KLRF2: variants seen among roughly 807,000 people sequenced by gnomAD.
KLRF2 encodes the protein killer cell lectin-like receptor subfamily F member 2.
A neutral mutation model predicts 25.3 loss-of-function variants in KLRF2; 28 were observed. The observed-to-expected ratio is 1.11, with a 90% CI of 0.82 to 1.52. The LOEUF (loss-of-function observed/expected upper bound fraction) is 1.52. KLRF2 is among the 40% of genes most tolerant of loss of function. The pLI is 0.00. For synonymous variants in KLRF2, 73 were observed against 85.0 expected (o/e 0.86, Z 0.78); for missense variants, 265 against 245.8 (o/e 1.08, Z -0.52).
intron 3 of KLRF2, among the ~76,000 whole-genome samples, chr12:9,891,178 T>C (rs1309955459): frequency 1.3e-5 from 2 of 152,106 alleles, no homozygotes; most frequent in African/African-American, 2.4e-5. Context: ...AGAAACTAAG[T>C]GTATATAAGG....
intron 1 of KLRF2, 95 bp downstream of exon 1, chr12:9,881,760 C>T: frequency 2.3e-6 from 2 of 871,736 alleles, no homozygotes; most frequent in Admixed American, 2.3e-5. Flanking sequence ...TAACATTGAT[C>T]ATAATAAGGA....
At chr12:9,882,884 A>AAT (rs1483805572) in intron 1 of KLRF2, among the ~76,000 whole-genome samples, 3 of 152,222 alleles carry the variant, frequency 2.0e-5, no homozygotes, top group Non-Finnish European at 4.4e-5. Flanking sequence ...TTTGATATAT[A>AAT]ATAAGAAAAA....
intron 1 of KLRF2, 96 bp downstream of exon 1, chr12:9,881,761 A>G (rs1239837725): frequency 2.2e-5 from 19 of 850,310 alleles, no homozygotes; most frequent in Non-Finnish European, 3.5e-5. Context: ...AACATTGATC[A>G]TAATAAGGAA....
intron 1 of KLRF2, among the ~76,000 whole-genome samples, chr12:9,882,393 T>C (rs1868103871): frequency 6.6e-6 from 1 of 152,194 alleles, no homozygotes; most frequent in African/African-American, 2.4e-5. Context: ...GACTCAGATC[T>C]TTTTTGTGTT....
chr12:9,892,225 G>A (rs1011982629), intron 3 of KLRF2, among the ~76,000 whole-genome samples: 5 of 152,052 alleles, frequency 3.3e-5, no homozygotes, highest in African/African-American at 9.7e-5. Context: ...AAAAGTTAGC[G>A]GGTAAAGAAG....
chr12:9,881,592 A>C lies in KLRF2; in HGVS notation c.-4A>C, dbSNP rs1042517313. 3.9e-6 allele frequency: 6 copies of C among 1,526,422 alleles called. No homozygotes were observed. The East Asian group carries it at 1.5e-4, about 37-fold the overall frequency. 94.6% of individuals were successfully genotyped at this position (1,526,422 alleles called of 1,614,324 possible). On this transcript the variant is annotated 5_prime_UTR_variant, in exon 1 of 6. Transcript: ENST00000535540. The stretch of plus-strand genomic sequence containing the variant: ...GGATAATAAGACATTAGACATTTGA[A>C]GAGATGGAGAATGAAGATGGGTATA...
intron 4 of KLRF2, 123 bp from the exon 5 acceptor site, chr12:9,893,305 GA>G (rs754939440): frequency 6.9e-6 from 6 of 872,800 alleles, no homozygotes; most frequent in African/African-American, 1.7e-5. Flanking sequence ...TATTGTTCAT[GA>G]AAAAAATGCT....
intron 3 of KLRF2, among the ~76,000 whole-genome samples, chr12:9,891,895 T>A (rs981943817): frequency 1.3e-5 from 2 of 152,212 alleles, no homozygotes; most frequent in Non-Finnish European, 2.9e-5. Context: ...GTTGACAGAC[T>A]AAAATATTAA....
intron 2 of KLRF2, among the ~76,000 whole-genome samples, chr12:9,888,333 A>G (rs894249375): frequency 2.0e-5 from 3 of 151,462 alleles, no homozygotes; most frequent in African/African-American, 7.3e-5. Context: ...TACTAAAAAT[A>G]CAAAAAATTA....
chr12:9,889,557 C>T (rs1862648009), intron 3 of KLRF2, among the ~76,000 whole-genome samples: 1 of 152,114 alleles, frequency 6.6e-6, no homozygotes, highest in African/African-American at 2.4e-5. Flanking sequence ...GGTTTTCATC[C>T]TGTTGGCCTA....
Position 9,893,140 on chromosome 12 carries a change from T to TACTG in KLRF2, c.339_342dup (p.Val115ThrfsTer8). The TACTG allele has an allele frequency of 6.5e-7, 1 of 1,533,242 alleles. No individual in the cohort carries two copies. Among genetic ancestry groups the TACTG allele is most frequent in the Non-Finnish European group, 8.7e-7 (1 of 1,145,298 alleles). 95.0% of individuals were successfully genotyped at this position (1,533,242 alleles called of 1,614,324 possible). A position where few individuals can be genotyped will look rare whatever the true frequency, so the allele number is the denominator to read the frequency against. ...GATTGTACACAGCTACAGGCACATT[T>TACTG]ACTGGTGATTCAAAATTTGGATGAG... On this transcript the variant is annotated frameshift_variant, in exon 4 of 6. Coordinates refer to ENST00000535540, the MANE Select transcript of KLRF2 (RefSeq NM_001190765.1). LOFTEE classifies it high-confidence loss of function.
At chr12:9,887,515 T>A (rs1208095251) in intron 2 of KLRF2, among the ~76,000 whole-genome samples, 1 of 152,220 alleles carries the variant, frequency 6.6e-6, no homozygotes, top group Non-Finnish European at 1.5e-5. Context: ...TTCCATTCAT[T>A]GTTTTGGAAT....
chr12:9,881,708 T>C (rs548841400), intron 1 of KLRF2, 43 bp downstream of exon 1: 183 of 1,312,726 alleles, frequency 1.4e-4, no homozygotes, highest in Middle Eastern at 7.2e-4. Flanking sequence ...AATTTCATTA[T>C]TCTTCTAGGA....
intron 3 of KLRF2, among the ~76,000 whole-genome samples, chr12:9,889,572 G>A (rs934876579): frequency 2.6e-5 from 4 of 151,926 alleles, no homozygotes; most frequent in Non-Finnish European, 4.4e-5. Flanking sequence ...GGCCTATTCT[G>A]TGCGTTTTGG....
chr12:9,888,777 T>G lies in KLRF2; in HGVS notation c.214T>G (p.Ser72Ala), dbSNP rs1862637341. ...FSQNVNVSSLSGHNYLCPNDW... is the reference protein window; with the variant it reads ...FSQNVNVSSLAGHNYLCPNDW... ...CCAGAATGTAAACGTCAGCAGTCTA[T>G]CAGGTAATACTCTTTTTGTTTGTTA... The change falls in exon 3 of 6, where the codon TCA (serine) becomes GCA (alanine). Residue 72 changes from serine to alanine, a missense_variant. Coordinates refer to ENST00000535540, the MANE Select transcript of KLRF2 (RefSeq NM_001190765.1). 4 of 1,499,166 alleles carry G rather than the reference T, an allele frequency of 2.7e-6. No individual in the cohort carries two copies. The highest frequency in any genetic ancestry group is 3.6e-6 in the Non-Finnish European group (4 of 1,113,746). 92.9% of individuals were successfully genotyped at this position (1,499,166 alleles called of 1,614,324 possible). A position where few individuals can be genotyped will look rare whatever the true frequency, so the allele number is the denominator to read the frequency against.
At chr12:9,893,383 A>AT in intron 4 of KLRF2, 46 bp from the exon 5 acceptor site, 1 of 1,020,174 alleles carries the variant, frequency 9.8e-7, no homozygotes, top group African/African-American at 1.6e-5. Flanking sequence ...AGGCATCAAA[A>AT]TTTTTTTAAA....
At chr12:9,889,842 T>G (rs1862653181) in intron 3 of KLRF2, among the ~76,000 whole-genome samples, 1 of 152,114 alleles carries the variant, frequency 6.6e-6, no homozygotes, top group Admixed American at 6.6e-5. Flanking sequence ...GATATTTATA[T>G]GCTATATCAA....
chr12:9,884,909 A>G (rs772467421), intron 1 of KLRF2, 25 bp from the exon 2 acceptor site: 34 of 780,540 alleles, frequency 4.4e-5, no homozygotes, highest in Non-Finnish European at 5.4e-5. Context: ...AATAATCACA[A>G]GAATTCTAAA....
rs955077950 is a variant in KLRF2, at chr12:9,893,643, C to T, written c.479+102C>T. 110 of 454,732 alleles carry T rather than the reference C, an allele frequency of 2.4e-4. 5 individuals are homozygous for T. Among genetic ancestry groups the T allele is most frequent in the Non-Finnish European group, 2.3e-5 (6 of 266,536 alleles). 28.2% of individuals were successfully genotyped at this position (454,732 alleles called of 1,614,324 possible). A position where few individuals can be genotyped will look rare whatever the true frequency, so the allele number is the denominator to read the frequency against. On this transcript the variant is annotated intron_variant, in intron 5 of 5. Transcript: ENST00000535540. The stretch of plus-strand genomic sequence containing the variant: ...CTTTTTTCCTTCTTTCTCTGTTTTC[C>T]CTTATCTTTACATTTTTTTCTACTT...
Sources: gnomAD v4.1 joint callset for allele counts (sites outside exome capture counted in the v4.1 genomes callset) on GRCh38, gnomAD v4.1.1 for gene constraint, MANE v1.5 for transcripts, NCBI Gene and HGNC (gene_info 2026-07-23, HGNC 2026-07-21) for gene names.